The following ROR1 variants were observed in gnomAD, a reference collection of about 807,000 sequenced individuals.
ROR1 encodes the protein inactive tyrosine-protein kinase transmembrane receptor ROR1.
A neutral mutation model predicts 78.8 loss-of-function variants in ROR1; 19 were observed. The ratio of observed to expected loss-of-function variants is 0.24; its 90% CI spans 0.17 to 0.35. The LOEUF is 0.35. ROR1 is among the 10% of genes least tolerant of loss of function. The probability of loss-of-function intolerance (pLI) is 1.00; values close to 1 mark genes in which losing one functional copy is unlikely to be tolerated. For missense variants in ROR1, 917 were observed against 1,177.8 expected (o/e 0.78, Z 3.24); for synonymous variants, 386 against 433.6 (o/e 0.89, Z 1.36).
intron 4 of ROR1, among the ~76,000 whole-genome samples, chr1:64,127,507 T>C (rs12406141): frequency 1.3e-5 from 2 of 150,076 alleles, no homozygotes; most frequent in Admixed American, 6.7e-5. Flanking sequence ...TCTCTCTCTG[T>C]CTCTCTCTCT....
intron 1 of ROR1, among the ~76,000 whole-genome samples, chr1:63,928,876 G>A (rs72912818): frequency 0.029 from 4,450 of 152,202 alleles, 230 homozygotes; most frequent in African/African-American, 0.1. Flanking sequence ...GCTGTGCTGC[G>A]GACTGCTCTT....
intron 1 of ROR1, among the ~76,000 whole-genome samples, chr1:63,919,839 G>C (rs1042597169): frequency 3.3e-5 from 5 of 152,152 alleles, no homozygotes; most frequent in Admixed American, 3.3e-4. Flanking sequence ...ATAACTTAAA[G>C]CTTCGTCTCA....
At chr1:63,950,574 A>G (rs1645927250) in intron 1 of ROR1, among the ~76,000 whole-genome samples, 2 of 151,968 alleles carry the variant, frequency 1.3e-5, no homozygotes, top group South Asian at 2.1e-4. Context: ...TTTTGTGCCA[A>G]CCTCCAATGT....
chr1:63,944,135 C>G (rs1016742247), intron 1 of ROR1, among the ~76,000 whole-genome samples: 12 of 152,162 alleles, frequency 7.9e-5, no homozygotes, highest in Non-Finnish European at 1.5e-4. Context: ...CTTCTAGTCT[C>G]TCATGCCTGA....
chr1:63,965,150 A>T (rs1646063186), intron 1 of ROR1, among the ~76,000 whole-genome samples: 1 of 152,184 alleles, frequency 6.6e-6, no homozygotes, highest in African/African-American at 2.4e-5. Flanking sequence ...ACAGATGAAA[A>T]AACTGAGATT....
At chr1:63,801,168 A>C (rs535989447) in intron 1 of ROR1, among the ~76,000 whole-genome samples, 1 of 152,306 alleles carries the variant, frequency 6.6e-6, no homozygotes, top group South Asian at 2.1e-4. Flanking sequence ...TGTCATTTAT[A>C]TGATTTAATG....
chr1:63,791,819 C>T (rs990502414), intron 1 of ROR1, among the ~76,000 whole-genome samples: 1 of 152,052 alleles, frequency 6.6e-6, no homozygotes. Flanking sequence ...ACCTTGTAAA[C>T]CTAAAATCCT....
intron 1 of ROR1, among the ~76,000 whole-genome samples, chr1:63,896,848 G>A (rs1410151959): frequency 1.3e-5 from 2 of 152,162 alleles, no homozygotes; most frequent in African/African-American, 2.4e-5. Context: ...TTCAGATGCA[G>A]AATAAAAAGA....
At chr1:63,814,724 A>G (rs1196464892) in intron 1 of ROR1, among the ~76,000 whole-genome samples, 2 of 152,086 alleles carry the variant, frequency 1.3e-5, no homozygotes, top group Non-Finnish European at 2.9e-5. Context: ...GCCACCACTG[A>G]TCTGACAGGA....
intron 4 of ROR1, among the ~76,000 whole-genome samples, chr1:64,120,038 T>C (rs1243145979): frequency 6.6e-6 from 1 of 152,190 alleles, no homozygotes; most frequent in Non-Finnish European, 1.5e-5. Context: ...AAATGGTGTG[T>C]TATTTTTGAG....
chr1:64,037,743 C>G (rs1320174870), intron 2 of ROR1, among the ~76,000 whole-genome samples: 1 of 152,128 alleles, frequency 6.6e-6, no homozygotes, highest in East Asian at 1.9e-4. Flanking sequence ...ACCAAAAATG[C>G]TAATAATTTC....
rs754343153 is a variant in ROR1, at chr1:64,178,530, C to T, written c.2489C>T (p.Ala830Val). ...NGYPIPPGYA[A>V]FPAAHYQPTG... Reference sequence around the variant, plus strand: ...TACCCAATACCTCCTGGATATGCAGCGTTTCCAGCTGCCCACTACCAGCCA... The same window carrying T: ...TACCCAATACCTCCTGGATATGCAGTGTTTCCAGCTGCCCACTACCAGCCA... The change falls in exon 9 of 9, where the codon GCG (alanine) becomes GTG (valine). Residue 830 changes from alanine (A) to valine (V), a missense_variant. By Grantham distance (64) the Ala-to-Val change is moderately conservative. Transcript: ENST00000371079. The surrounding 1 kb of genome is among the most constrained non-coding windows in gnomAD (Gnocchi z 4.3). The T allele has an allele frequency of 9.9e-6, 16 of 1,614,060 alleles. No homozygotes were observed. The highest frequency in any genetic ancestry group is 4.0e-5 in the African/African-American group (3 of 74,926).
At chr1:63,939,793 C>T (rs1293363457) in intron 1 of ROR1, among the ~76,000 whole-genome samples, 1 of 152,138 alleles carries the variant, frequency 6.6e-6, no homozygotes, top group Non-Finnish European at 1.5e-5. Flanking sequence ...CTTCTCTTTC[C>T]TGCACGTTTT....
chr1:64,079,751 G>A lies in ROR1; in HGVS notation c.482+29035G>A, dbSNP rs142386452. ...CCCTCCTCGGCCTCCCAAAGTGCTG[G>A]GATTATAAGCATGAGCCACCGTATC... On this transcript the variant is annotated intron_variant, in intron 4 of 8. Coordinates refer to ENST00000371079, the MANE Select transcript of ROR1 (RefSeq NM_005012.4). Among the ~76,000 whole-genome samples the A allele has an allele frequency of 2.2e-3, 331 of 152,116 alleles. 2 individuals are homozygous for A. The highest frequency in any genetic ancestry group is 7.6e-3 in the African/African-American group (314 of 41,478).
At chr1:64,136,050 A>G (rs1649089854) in intron 4 of ROR1, among the ~76,000 whole-genome samples, 2 of 152,188 alleles carry the variant, frequency 1.3e-5, no homozygotes, top group Admixed American at 1.3e-4. Context: ...GTGGGAGCTT[A>G]GTAAATAACT....
At chr1:63,848,317 T>A (rs648266) in intron 1 of ROR1, among the ~76,000 whole-genome samples, 25,505 of 152,206 alleles carry the variant, frequency 0.17, 4,553 homozygotes, top group African/African-American at 0.45. Context: ...TTCCAGTCTT[T>A]CTTTGTGTGG....
intron 1 of ROR1, among the ~76,000 whole-genome samples, chr1:63,924,566 G>C (rs1057270222): frequency 6.6e-5 from 10 of 152,046 alleles, no homozygotes; most frequent in Non-Finnish European, 1.3e-4. Context: ...ACTGCCTCCC[G>C]ATACTTTCAT....
chr1:64,009,418 T>C (rs904124717), intron 2 of ROR1, 42 bp downstream of exon 2: 2 of 1,474,930 alleles, frequency 1.4e-6, no homozygotes, highest in East Asian at 2.3e-5. Context: ...GAAAGAGGTG[T>C]GGAACTGTTT....
chr1:64,126,754 G>A (rs959308628), intron 4 of ROR1, among the ~76,000 whole-genome samples: 32 of 152,132 alleles, frequency 2.1e-4, no homozygotes, highest in Non-Finnish European at 4.1e-4. Flanking sequence ...TTCAGTTAGG[G>A]AATGCCCTAG....
Sources: gnomAD v4.1 joint callset for allele counts (sites outside exome capture counted in the v4.1 genomes callset) on GRCh38, gnomAD v4.1.1 for gene constraint, Gnocchi (gnomAD v3.1) non-coding constraint, MANE v1.5 for transcripts, NCBI Gene and HGNC (gene_info 2026-07-23, HGNC 2026-07-21) for gene names.